CELF2: variants seen among roughly 807,000 people sequenced by gnomAD.
CELF2 encodes the protein CUG triplet repeat RNA-binding protein 2.
Under a neutral mutation model 62.6 loss-of-function variants are expected in CELF2, and 8 were observed. That is an observed-to-expected ratio of 0.13 (90% confidence interval 0.07 to 0.23). CELF2 has a LOEUF of 0.23. Among genes scored for constraint, CELF2 ranks in the 10% least tolerant of loss-of-function variants. The pLI is 1.00. For synonymous variants in CELF2, 258 were observed against 250.0 expected (o/e 1.03, Z -0.30); for missense variants, 333 against 671.0 (o/e 0.50, Z 5.56).
chr10:10,909,855 G>GTAGAC (rs370826931), intron 1 of CELF2, among the ~76,000 whole-genome samples: 1 of 152,200 alleles, frequency 6.6e-6, no homozygotes, highest in African/African-American at 2.4e-5. Context: ...CCTCATGAAA[G>GTAGAC]AGGGGGCTCA....
At chr10:10,774,874 T>A in the CELF2 span, among the ~76,000 whole-genome samples, 1 of 136,420 alleles carries the variant, frequency 7.3e-6, no homozygotes, top group African/African-American at 2.9e-5. Flanking sequence ...CTTTTATTTT[T>A]ATTTATTTAT....
At chr10:11,061,122 C>G (rs1286838703) in intron 1 of CELF2, among the ~76,000 whole-genome samples, 1 of 152,186 alleles carries the variant, frequency 6.6e-6, no homozygotes, top group Non-Finnish European at 1.5e-5. Flanking sequence ...TCTGTTGGAC[C>G]AAGCATTCTA....
the CELF2 span, among the ~76,000 whole-genome samples, chr10:10,477,953 G>A: frequency 6.6e-6 from 1 of 152,072 alleles, no homozygotes; most frequent in Non-Finnish European, 1.5e-5. Flanking sequence ...CAGAATATCT[G>A]TAATACAATT....
At chr10:10,741,813 A>G in the CELF2 span, among the ~76,000 whole-genome samples, 7 of 152,212 alleles carry the variant, frequency 4.6e-5, no homozygotes, top group African/African-American at 1.7e-4. Flanking sequence ...GTTTGAGACT[A>G]TGCAAGTATC....
the CELF2 span, among the ~76,000 whole-genome samples, chr10:10,582,502 A>G: frequency 6.6e-6 from 1 of 152,328 alleles, no homozygotes; most frequent in Non-Finnish European, 1.5e-5. Flanking sequence ...TTATAATTGA[A>G]CAAATGGTTC....
intron 1 of CELF2, among the ~76,000 whole-genome samples, chr10:10,865,420 C>T (rs1202483437): frequency 6.6e-6 from 1 of 152,138 alleles, no homozygotes; most frequent in East Asian, 1.9e-4. Flanking sequence ...GAATTTGCTC[C>T]TGTTTAATAA....
At chr10:10,783,388 A>G in the CELF2 span, among the ~76,000 whole-genome samples, 2 of 152,160 alleles carry the variant, frequency 1.3e-5, no homozygotes, top group Non-Finnish European at 2.9e-5. Flanking sequence ...GGAGATGGCC[A>G]TCTACAAACC....
chr10:10,955,603 T>C (rs1233202416), intron 2 of CELF2, among the ~76,000 whole-genome samples: 3 of 152,240 alleles, frequency 2.0e-5, no homozygotes, highest in Non-Finnish European at 4.4e-5. Flanking sequence ...ATTTCATGGA[T>C]GCAGGAGCTC....
chr10:11,106,187 TTTTATTTTATTTTAC>T (rs1219154209), intron 1 of CELF2, among the ~76,000 whole-genome samples: 1 of 118,558 alleles, frequency 8.4e-6, no homozygotes, highest in African/African-American at 2.9e-5. Context: ...ATCTTGGCAC[TTTTATTTTATTTTAC>T]TTTATTTTAT....
At chr10:11,288,757 C>CA (rs1052486680) in intron 9 of CELF2, among the ~76,000 whole-genome samples, 1 of 152,106 alleles carries the variant, frequency 6.6e-6, no homozygotes, top group Non-Finnish European at 1.5e-5. Context: ...GGATAATATG[C>CA]AAAAAAGTTT....
chr10:10,655,207 A>G, the CELF2 span, among the ~76,000 whole-genome samples: 1 of 144,986 alleles, frequency 6.9e-6, no homozygotes, highest in Non-Finnish European at 1.5e-5. Flanking sequence ...CCACTGCTCA[A>G]TGAAATAAAA....
chr10:11,216,353 T>C (rs966438324), intron 2 of CELF2, among the ~76,000 whole-genome samples: 4 of 152,230 alleles, frequency 2.6e-5, no homozygotes, highest in African/African-American at 9.7e-5. Context: ...TTCTGGCCCC[T>C]GTCTGGCTCC....
the CELF2 span, among the ~76,000 whole-genome samples, chr10:10,677,129 A>G: frequency 6.6e-6 from 1 of 152,232 alleles, no homozygotes; most frequent in Non-Finnish European, 1.5e-5. Context: ...GAGAGAAATC[A>G]GCCAAGATTA....
At chr10:10,875,852 C>T (rs2061053949) in intron 1 of CELF2, among the ~76,000 whole-genome samples, 2 of 152,220 alleles carry the variant, frequency 1.3e-5, no homozygotes, top group South Asian at 2.1e-4. Context: ...AAGATGACTG[C>T]TCTATCAGAC....
At chr10:10,935,701 T>G (rs1365895231) in intron 2 of CELF2, among the ~76,000 whole-genome samples, 1 of 152,202 alleles carries the variant, frequency 6.6e-6, no homozygotes, top group Admixed American at 6.5e-5. Flanking sequence ...AATTAATCCC[T>G]GAAAAGCAAG....
At chr10:10,584,916 G>A in the CELF2 span, among the ~76,000 whole-genome samples, 12 of 152,190 alleles carry the variant, frequency 7.9e-5, no homozygotes, top group South Asian at 2.1e-4. Flanking sequence ...GTTGAACCAG[G>A]GCAGTTCTAA....
At chr10:10,694,130 C>A in the CELF2 span, among the ~76,000 whole-genome samples, 4 of 151,446 alleles carry the variant, frequency 2.6e-5, no homozygotes, top group African/African-American at 7.3e-5. Flanking sequence ...ATCTTTCCTG[C>A]TTTCTCTTGT....
intron 1 of CELF2, among the ~76,000 whole-genome samples, chr10:10,904,961 C>T (rs1291921882): frequency 6.6e-6 from 1 of 152,152 alleles, no homozygotes. Flanking sequence ...AGGATCCACC[C>T]AGATTATCAT....
the CELF2 span, among the ~76,000 whole-genome samples, chr10:10,782,468 T>C: frequency 3.3e-5 from 5 of 152,190 alleles, no homozygotes; most frequent in Non-Finnish European, 7.4e-5. Flanking sequence ...CCCATCTACA[T>C]TGGGGAGGGC....
Sources: gnomAD v4.1 joint callset for allele counts (sites outside exome capture counted in the v4.1 genomes callset) on GRCh38, gnomAD v4.1.1 for gene constraint, MANE v1.5 for transcripts, NCBI Gene and HGNC (gene_info 2026-07-23, HGNC 2026-07-21) for gene names.